Variants in ADGRG1 observed in about 807,000 individuals in gnomAD.
The protein encoded by ADGRG1 is 7-transmembrane protein with no EGF-like N-terminal domains-1.
A neutral mutation model predicts 73.5 loss-of-function variants in ADGRG1; 53 were observed. The observed-to-expected ratio is 0.72, with a 90% confidence interval of 0.58 to 0.91. The LOEUF is 0.91. ADGRG1 is among the 40% of genes least tolerant of loss of function. The pLI, the probability that ADGRG1 is intolerant of heterozygous loss-of-function variation, is 0.00. For missense variants in ADGRG1, 795 were observed against 871.8 expected (o/e 0.91, Z 1.11); for synonymous variants, 394 against 374.4 (o/e 1.05, Z -0.60).
chr16:57,651,706 A>G (rs2044144949), intron 3 of ADGRG1, 84 bp downstream of exon 3: 3 of 1,522,436 alleles, frequency 2.0e-6, no homozygotes, highest in African/African-American at 1.4e-5. Flanking sequence ...CTGGGCTCAC[A>G]ATATCAGATC....
At chr16:57,647,231 G>C (rs1296671404) in intron 1 of ADGRG1, 2 of 985,300 alleles carry the variant, frequency 2.0e-6, no homozygotes, top group African/African-American at 3.5e-5. Flanking sequence ...GTCCCAACGG[G>C]CTTCTGGAGG....
At chr16:57,660,402 G>A (rs2046795409) in intron 11 of ADGRG1, 1 of 984,030 alleles carries the variant, frequency 1.0e-6, no homozygotes, top group South Asian at 4.7e-5. Context: ...CGAGGTCAAG[G>A]CCCAGTGCAG....
At chr16:57,653,161 G>A in intron 3 of ADGRG1, 42 bp from the exon 4 acceptor site, 1 of 1,601,620 alleles carries the variant, frequency 6.2e-7, no homozygotes, top group African/African-American at 1.3e-5. Flanking sequence ...CCTGGGACCT[G>A]AATCGGCAGC....
chr16:57,643,285 A>G (rs988255638), intron 1 of ADGRG1: 1 of 152,198 alleles, frequency 6.6e-6, no homozygotes, highest in Non-Finnish European at 1.5e-5. Flanking sequence ...CTGGATGACT[A>G]TATGTTGGCT....
intron 2 of ADGRG1, 32 bp from the exon 3 acceptor site, chr16:57,651,168 C>T (rs903070557): frequency 1.4e-5 from 23 of 1,613,176 alleles, no homozygotes; most frequent in Middle Eastern, 1.6e-4. Context: ...GCCCCTGCCA[C>T]GGGGTCCCAT....
rs79033819 is a variant in ADGRG1, at chr16:57,660,603, G to A, written c.1556-165G>A. The A allele has an allele frequency of 6.4e-6, 6 of 935,340 alleles. No individual in the cohort carries two copies. In the East Asian group the frequency reaches 7.0e-4, roughly 109 times the overall value. The allele number at this position is 935,340 out of a possible 1,614,324, so 57.9% of individuals were successfully genotyped here. On this transcript the variant is annotated intron_variant, in intron 11 of 13. Coordinates refer to ENST00000562631, the MANE Select transcript of ADGRG1 (RefSeq NM_201525.4). Reference sequence around the variant, plus strand: ...AGGAAACCCATACTGGAATGGGGAGGGGGAGGGTCCAAACTTGGGGGAACT... The same window carrying A: ...AGGAAACCCATACTGGAATGGGGAGAGGGAGGGTCCAAACTTGGGGGAACT...
chr16:57,638,597 A>G (rs2039949920), intron 1 of ADGRG1, among the ~76,000 whole-genome samples: 1 of 152,038 alleles, frequency 6.6e-6, no homozygotes, highest in South Asian at 2.1e-4. Context: ...GAGGAGGTGG[A>G]CCCTAAGGAG....
intron 1 of ADGRG1, chr16:57,637,499 A>T: frequency 1.0e-6 from 1 of 985,298 alleles, no homozygotes; most frequent in Non-Finnish European, 1.2e-6. Context: ...GCCCCTTGCC[A>T]GCTCCCTTTA....
At chr16:57,636,801 A>T in intron 1 of ADGRG1, 2 of 589,596 alleles carry the variant, frequency 3.4e-6, no homozygotes, top group Non-Finnish European at 4.3e-6. Flanking sequence ...GTGGTGAGCA[A>T]GACAGGTGAG....
chr16:57,653,955 A>G lies in ADGRG1; in HGVS notation c.621-31A>G, dbSNP rs1448436095. On this transcript the variant is annotated intron_variant, in intron 4 of 13. Transcript: ENST00000562631. Reference sequence around the variant, plus strand: ...TCCCTGGTGGCCCGGCCCCCTCCCCACCATCACCACCGCTTTCTCCTCCCT... The same window carrying G: ...TCCCTGGTGGCCCGGCCCCCTCCCCGCCATCACCACCGCTTTCTCCTCCCT... 6 of 1,611,912 alleles carry G rather than the reference A, an allele frequency of 3.7e-6. No individual in the cohort carries two copies. In the South Asian group the frequency reaches 5.5e-5, roughly 15 times the overall value.
chr16:57,652,161 A>G, intron 3 of ADGRG1: 2 of 1,005,914 alleles, frequency 2.0e-6, no homozygotes, highest in Non-Finnish European at 2.4e-6. Context: ...TGAGAGGTCA[A>G]AGGTCAGGAA....
intron 6 of ADGRG1, 94 bp downstream of exon 6, chr16:57,655,624 G>A: frequency 6.3e-7 from 1 of 1,597,014 alleles, no homozygotes; most frequent in Non-Finnish European, 8.5e-7. Flanking sequence ...CTTCCTCTGG[G>A]AGTCAAAGCC....
chr16:57,637,624 C>A, intron 1 of ADGRG1: 1 of 985,356 alleles, frequency 1.0e-6, no homozygotes. Context: ...GCTTTCTTTT[C>A]CTCTTCCTCC....
chr16:57,625,895 C>A (rs1448984244), upstream of ADGRG1, among the ~76,000 whole-genome samples: 1 of 152,208 alleles, frequency 6.6e-6, no homozygotes, highest in Non-Finnish European at 1.5e-5. Context: ...GTTCCCTCTG[C>A]CTGGGGTGCC....
Position 57,651,531 on chromosome 16 carries a change from C to A in ADGRG1, c.396C>A (p.Gly132=), listed in dbSNP as rs1182598482. 1.9e-6 allele frequency: 3 copies of A among 1,614,060 alleles called. No individual in the cohort carries two copies. Among genetic ancestry groups the A allele is most frequent in the South Asian group, 1.1e-5 (1 of 91,094 alleles). The change falls in exon 3 of 14, where the codon GGC becomes GGA. Residue 132 remains glycine, a synonymous_variant. Transcript: ENST00000562631. ...ACCAGGAGGAGAGCCTGGCTCAGGG[C>A]CCCCCGCTGTTAGCCACTTCTGTCA... ...FQHQEESLAQ[G]PPLLATSVTS...
At chr16:57,647,466 T>G (rs1443816258) in intron 1 of ADGRG1, 1 of 981,180 alleles carries the variant, frequency 1.0e-6, no homozygotes. Flanking sequence ...TAGCTGAGAC[T>G]GATGGCACCT....
upstream of ADGRG1, chr16:57,623,886 A>AT (rs1302300938): frequency 1.5e-5 from 14 of 924,392 alleles, no homozygotes; most frequent in African/African-American, 2.5e-4. Flanking sequence ...ATGGTCTGAG[A>AT]TCAGGTCCTG....
intron 1 of ADGRG1, 157 bp downstream of exon 1, chr16:57,628,959 T>A (rs1567668983): frequency 1.7e-6 from 1 of 589,126 alleles, no homozygotes; most frequent in Non-Finnish European, 2.1e-6. Flanking sequence ...TGTGAGAGTG[T>A]GTGAGTGTGA....
At chr16:57,653,818 T>G (rs1476658193) in intron 4 of ADGRG1, 168 bp from the exon 5 acceptor site, 2 of 985,046 alleles carry the variant, frequency 2.0e-6, no homozygotes, top group East Asian at 2.3e-4. Flanking sequence ...GCTTTTCTCT[T>G]TTGTCTGCTC....
Sources: allele counts gnomAD v4.1 joint callset (sites outside exome capture counted in the v4.1 genomes callset), GRCh38; gene constraint gnomAD v4.1.1; transcripts MANE v1.5; gene names NCBI Gene and HGNC (gene_info 2026-07-23, HGNC 2026-07-21).